The following TMEM117 variants were observed in gnomAD, a reference collection of about 807,000 sequenced individuals.
The protein encoded by TMEM117 is transmembrane protein 117.
Under a neutral mutation model 52.4 loss-of-function variants are expected in TMEM117, and 27 were observed. That is an observed-to-expected ratio of 0.51 (90% confidence interval 0.38 to 0.71). The LOEUF (loss-of-function observed/expected upper bound fraction) is 0.71. Among genes scored for constraint, TMEM117 ranks in the 30% least tolerant of loss-of-function variants. The pLI is 0.00. For missense variants in TMEM117, 556 were observed against 630.5 expected, an observed-to-expected ratio of 0.88 and a Z score of 1.26; for synonymous variants, 215 against 206.3, an observed-to-expected ratio of 1.04 and a Z score of -0.36.
intron 2 of TMEM117, among the ~76,000 whole-genome samples, chr12:43,905,956 G>T (rs898555429): frequency 1.3e-5 from 2 of 152,086 alleles, no homozygotes; most frequent in African/African-American, 2.4e-5. Context: ...TTATTTGTAT[G>T]TTTTGGTTAT....
intron 5 of TMEM117, among the ~76,000 whole-genome samples, chr12:44,236,752 G>T (rs2138468228): frequency 6.6e-6 from 1 of 152,054 alleles, no homozygotes; most frequent in East Asian, 1.9e-4. Flanking sequence ...TTCAGAGTAG[G>T]TTTTTGTTTC....
intron 3 of TMEM117, among the ~76,000 whole-genome samples, chr12:44,087,172 C>A (rs1384945238): frequency 6.6e-6 from 1 of 151,446 alleles, no homozygotes; most frequent in Non-Finnish European, 1.5e-5. Flanking sequence ...AATTAGTACA[C>A]TTTAGTTCCA....
At chr12:44,082,429 A>G (rs929719045) in intron 3 of TMEM117, among the ~76,000 whole-genome samples, 3 of 151,974 alleles carry the variant, frequency 2.0e-5, no homozygotes, top group African/African-American at 7.2e-5. Flanking sequence ...CAGTGTATCT[A>G]TAGGGATATA....
At chr12:43,926,108 TATA>T (rs1944774838) in intron 2 of TMEM117, among the ~76,000 whole-genome samples, 1 of 152,250 alleles carries the variant, frequency 6.6e-6, no homozygotes, top group African/African-American at 2.4e-5. Flanking sequence ...ATTTTGGTCT[TATA>T]TATCTTGAAG....
chr12:44,380,904 G>T (rs1468293909), intron 7 of TMEM117, among the ~76,000 whole-genome samples: 1 of 152,120 alleles, frequency 6.6e-6, no homozygotes, highest in Non-Finnish European at 1.5e-5. Context: ...AGCTAAGAAT[G>T]CAAAATTCTC....
intron 5 of TMEM117, among the ~76,000 whole-genome samples, chr12:44,268,965 C>A (rs1248243831): frequency 6.6e-6 from 1 of 152,146 alleles, no homozygotes; most frequent in African/African-American, 2.4e-5. Flanking sequence ...GTTTTACCAA[C>A]CTTACATGGA....
chr12:44,356,089 C>A (rs1951644281), intron 6 of TMEM117, among the ~76,000 whole-genome samples: 1 of 152,102 alleles, frequency 6.6e-6, no homozygotes, highest in Non-Finnish European at 1.5e-5. Context: ...TTGTGAGACC[C>A]ATTGGTCACT....
At chr12:43,820,412 T>G in the TMEM117 span, among the ~76,000 whole-genome samples, 415 of 152,294 alleles carry the variant, frequency 2.7e-3, 2 homozygotes, top group African/African-American at 9.6e-3. Flanking sequence ...TAGCTGGGAC[T>G]ACAGACGCCG....
At chr12:43,925,039 A>G (rs1245658101) in intron 2 of TMEM117, among the ~76,000 whole-genome samples, 2 of 152,116 alleles carry the variant, frequency 1.3e-5, no homozygotes, top group Admixed American at 1.3e-4. Flanking sequence ...CAGTTCCTCA[A>G]GTGGAATTTT....
chr12:44,250,060 A>G (rs553227225), intron 5 of TMEM117, among the ~76,000 whole-genome samples: 2 of 152,336 alleles, frequency 1.3e-5, no homozygotes, highest in South Asian at 4.1e-4. Context: ...CAGACAACCT[A>G]CAGAATGGGA....
the TMEM117 span, among the ~76,000 whole-genome samples, chr12:43,820,344 A>G: frequency 5.3e-5 from 8 of 150,344 alleles, no homozygotes; most frequent in East Asian, 1.6e-3. Flanking sequence ...CACAGTCGCC[A>G]CTCACTGCAA....
intron 3 of TMEM117, among the ~76,000 whole-genome samples, chr12:43,999,652 G>A (rs1946085903): frequency 6.6e-6 from 1 of 151,958 alleles, no homozygotes; most frequent in South Asian, 2.1e-4. Flanking sequence ...TAGTATTTTT[G>A]TTATTTGTTT....
the TMEM117 span, among the ~76,000 whole-genome samples, chr12:43,812,137 G>C: frequency 1.3e-5 from 2 of 152,006 alleles, no homozygotes; most frequent in South Asian, 2.1e-4. Context: ...CAGCTGAATA[G>C]TACTGTGAAC....
chr12:44,295,597 T>C (rs1157674060), intron 5 of TMEM117, among the ~76,000 whole-genome samples: 1 of 152,154 alleles, frequency 6.6e-6, no homozygotes, highest in Non-Finnish European at 1.5e-5. Flanking sequence ...ATTTTTTTCT[T>C]CTCCATGATT....
chr12:44,368,435 C>G (rs1464517868), intron 6 of TMEM117, among the ~76,000 whole-genome samples: 1 of 152,124 alleles, frequency 6.6e-6, no homozygotes, highest in Non-Finnish European at 1.5e-5. Flanking sequence ...ATATTTAGAT[C>G]AACCTTGTAC....
chr12:44,200,525 T>G (rs557594813), intron 4 of TMEM117, among the ~76,000 whole-genome samples: 27 of 152,156 alleles, frequency 1.8e-4, no homozygotes, highest in Non-Finnish European at 3.7e-4. Context: ...ATGCTCAAAT[T>G]TGCCAAAAAT....
intron 1 of TMEM117, among the ~76,000 whole-genome samples, chr12:43,840,399 A>C (rs1460332715): frequency 6.6e-6 from 1 of 152,218 alleles, no homozygotes; most frequent in Non-Finnish European, 1.5e-5. Context: ...TAGCCTTAGA[A>C]ATATTAATTT....
intron 6 of TMEM117, among the ~76,000 whole-genome samples, chr12:44,315,848 C>T (rs1193254565): frequency 6.6e-6 from 1 of 152,140 alleles, no homozygotes; most frequent in African/African-American, 2.4e-5. Context: ...GGCTTAAAGT[C>T]TGTTTTATCT....
At chr12:43,906,987 G>A (rs958771032) in intron 2 of TMEM117, among the ~76,000 whole-genome samples, 13 of 152,358 alleles carry the variant, frequency 8.5e-5, no homozygotes, top group African/African-American at 2.6e-4. Flanking sequence ...ACTGGGTGGA[G>A]GCCACCACAG....
Sources: allele counts gnomAD v4.1 joint callset (sites outside exome capture counted in the v4.1 genomes callset), GRCh38; gene constraint gnomAD v4.1.1; transcripts MANE v1.5; gene names NCBI Gene and HGNC (gene_info 2026-07-23, HGNC 2026-07-21).